The following BTBD1 variants were observed in gnomAD, a reference collection of about 807,000 sequenced individuals.
BTBD1 encodes BTB/POZ domain-containing protein 1.
In BTBD1, 34 loss-of-function variants were observed where a neutral mutation model predicts 48.0. The ratio of observed to expected loss-of-function variants is 0.71; its 90% CI spans 0.54 to 0.94. The LOEUF is 0.94. Among genes scored for constraint, BTBD1 ranks in the 40% least tolerant of loss-of-function variants. The probability of loss-of-function intolerance (pLI) is 0.00; values close to 1 mark genes in which losing one functional copy is unlikely to be tolerated. For synonymous variants in BTBD1, 261 were observed against 242.1 expected (o/e 1.08, Z -0.72); for missense variants, 543 against 625.6 (o/e 0.87, Z 1.41).
chr15:83,045,118 T>C (rs913778365), intron 3 of BTBD1, among the ~76,000 whole-genome samples: 4 of 152,360 alleles, frequency 2.6e-5, no homozygotes, highest in South Asian at 4.1e-4. Context: ...GAGTATGCTA[T>C]AGTTACAGCA....
At chr15:83,039,427 GTAGA>G (rs913432968) in intron 4 of BTBD1, among the ~76,000 whole-genome samples, 1 of 152,140 alleles carries the variant, frequency 6.6e-6, no homozygotes, top group African/African-American at 2.4e-5. Context: ...TGGTGGGAAT[GTAGA>G]TAAGGTTAGC....
chr15:83,052,775 C>T (rs1324893319), intron 2 of BTBD1, among the ~76,000 whole-genome samples: 12 of 147,554 alleles, frequency 8.1e-5, no homozygotes, highest in African/African-American at 1.8e-4. Flanking sequence ...GGACTACAGG[C>T]GCCCACCACC....
chr15:83,025,157 C>T (rs913272277), intron 5 of BTBD1, among the ~76,000 whole-genome samples: 6 of 151,946 alleles, frequency 3.9e-5, no homozygotes, highest in Non-Finnish European at 8.8e-5. Context: ...AGTTCATGAC[C>T]AGCCTGACCA....
intron 4 of BTBD1, among the ~76,000 whole-genome samples, chr15:83,034,358 C>T (rs1442897196): frequency 6.6e-6 from 1 of 152,178 alleles, no homozygotes; most frequent in African/African-American, 2.4e-5. Flanking sequence ...CGTGGTGGCT[C>T]ATGCCAGAAT....
At chr15:83,040,511 T>G (rs2032731216) in intron 4 of BTBD1, among the ~76,000 whole-genome samples, 3 of 152,042 alleles carry the variant, frequency 2.0e-5, no homozygotes. Context: ...AAGACCAGCT[T>G]GACAAATATG....
At chr15:83,042,348 T>TTTA (rs773923340) in intron 3 of BTBD1, among the ~76,000 whole-genome samples, 5 of 109,896 alleles carry the variant, frequency 4.5e-5, no homozygotes, top group Non-Finnish European at 9.2e-5. Context: ...TTAGGCAATT[T>TTTA]TATATATATA....
At chr15:83,044,188 TAGTG>T (rs1340208992) in intron 3 of BTBD1, among the ~76,000 whole-genome samples, 2 of 152,232 alleles carry the variant, frequency 1.3e-5, no homozygotes, top group African/African-American at 4.8e-5. Flanking sequence ...AACTGATACT[TAGTG>T]AGCATTAATA....
intron 4 of BTBD1, among the ~76,000 whole-genome samples, chr15:83,037,913 A>ATCTC (rs1040415572): frequency 2.6e-5 from 4 of 151,964 alleles, no homozygotes; most frequent in African/African-American, 9.7e-5. Context: ...GTGAAACCCC[A>ATCTC]TCTCTACTAA....
intron 4 of BTBD1, among the ~76,000 whole-genome samples, chr15:83,033,020 G>A (rs1036176525): frequency 2.7e-5 from 4 of 147,984 alleles, no homozygotes; most frequent in Admixed American, 2.7e-4. Context: ...TGATAGATGG[G>A]AATAACTGTC....
intron 3 of BTBD1, among the ~76,000 whole-genome samples, chr15:83,045,665 C>T (rs553121125): frequency 1.3e-5 from 2 of 152,234 alleles, no homozygotes; most frequent in East Asian, 3.9e-4. Context: ...ACTGGTTACA[C>T]ATAATTTTTT....
At chr15:83,050,444 G>GTGTGTGTA (rs1254202599) in intron 2 of BTBD1, among the ~76,000 whole-genome samples, 5 of 151,684 alleles carry the variant, frequency 3.3e-5, no homozygotes, top group Admixed American at 1.3e-4. Context: ...GTGTGTGTGT[G>GTGTGTGTA]TGTGTGTGTG....
intron 4 of BTBD1, among the ~76,000 whole-genome samples, chr15:83,036,024 C>T (rs991292350): frequency 3.4e-5 from 5 of 147,430 alleles, no homozygotes; most frequent in African/African-American, 1.3e-4. Flanking sequence ...CGTAAGGAAT[C>T]CAAAATAGGT....
chr15:83,023,015 T>C (rs2032331821), intron 5 of BTBD1, among the ~76,000 whole-genome samples: 1 of 152,012 alleles, frequency 6.6e-6, no homozygotes, highest in Non-Finnish European at 1.5e-5. Context: ...TGCAGCTAAA[T>C]AAGAGGAAAA....
chr15:83,045,514 C>CA (rs1414973341), intron 3 of BTBD1, among the ~76,000 whole-genome samples: 143 of 151,178 alleles, frequency 9.5e-4, no homozygotes, highest in African/African-American at 3.4e-3. Context: ...AACAAACAAA[C>CA]AAACAAAAAA....
chr15:83,038,425 A>G (rs2151305624), intron 4 of BTBD1, among the ~76,000 whole-genome samples: 1 of 152,310 alleles, frequency 6.6e-6, no homozygotes, highest in African/African-American at 2.4e-5. Context: ...GAAAAACATT[A>G]TATGCTCGTG....
chr15:83,050,263 G>A, intron 2 of BTBD1, 85 bp from the exon 3 acceptor site: 1 of 700,210 alleles, frequency 1.4e-6, no homozygotes, highest in East Asian at 2.8e-5. Context: ...ATTGTCAACA[G>A]TTATAATTGC....
chr15:83,051,529 T>G (rs897827416), intron 2 of BTBD1, among the ~76,000 whole-genome samples: 1 of 150,374 alleles, frequency 6.7e-6, no homozygotes. Context: ...AAAATATGTA[T>G]AGAATACTCG....
At chr15:83,018,454 T>G (rs1342707611) in intron 7 of BTBD1, among the ~76,000 whole-genome samples, 8 of 152,212 alleles carry the variant, frequency 5.3e-5, no homozygotes, top group Admixed American at 5.2e-4. Flanking sequence ...TTTACAAAAA[T>G]AACTTTTATT....
At chr15:83,049,300 T>G (rs1596440763) in intron 3 of BTBD1, among the ~76,000 whole-genome samples, 1 of 152,156 alleles carries the variant, frequency 6.6e-6, no homozygotes, top group African/African-American at 2.4e-5. Context: ...GAAACTAGAG[T>G]GCCTGGAGAA....
Sources: gnomAD v4.1 joint callset for allele counts (sites outside exome capture counted in the v4.1 genomes callset) on GRCh38, gnomAD v4.1.1 for gene constraint, MANE v1.5 for transcripts, NCBI Gene and HGNC (gene_info 2026-07-23, HGNC 2026-07-21) for gene names.